MYO10: variants seen among roughly 807,000 people sequenced by gnomAD.
MYO10 encodes myosin X.
MYO10 carries 133 observed loss-of-function variants against 257.3 expected under a neutral mutation model. The observed-to-expected ratio is 0.52, with a 90% CI of 0.45 to 0.60. The LOEUF is 0.60. Ranked by LOEUF, MYO10 falls within the 20% of genes least tolerant of loss-of-function variation. The probability of loss-of-function intolerance (pLI) is 0.00; values close to 1 mark genes in which losing one functional copy is unlikely to be tolerated. For missense variants in MYO10, 2,399 were observed against 2,635.7 expected (o/e 0.91, Z 1.97); for synonymous variants, 1,104 against 1,028.6 (o/e 1.07, Z -1.40).
rs143466213 is a variant in MYO10, at chr5:16,899,363, G to A, written c.22-21656C>T. Among the ~76,000 whole-genome samples, 24 of 152,086 alleles carry A rather than the reference G, an allele frequency of 1.6e-4. No individual in the cohort carries two copies. The East Asian group carries it at 2.1e-3, about 14-fold the overall frequency. On this transcript the variant is annotated intron_variant, in intron 1 of 40. Coordinates refer to ENST00000513610, the MANE Select transcript of MYO10 (RefSeq NM_012334.3). ...ATAATAAAAGAATGTGGCTGGGCGC[G>A]ATGACTCACGCCTGTAATCCCGGCA...
chr5:16,721,061 A>G (rs1362449158), intron 19 of MYO10, among the ~76,000 whole-genome samples: 2 of 152,186 alleles, frequency 1.3e-5, no homozygotes, highest in African/African-American at 4.8e-5. Flanking sequence ...TTTAACTTTA[A>G]AAATAAACAA....
At chr5:16,685,706 C>T (rs1737221851) in intron 29 of MYO10, 32 bp downstream of exon 29, 1 of 1,504,326 alleles carries the variant, frequency 6.6e-7, no homozygotes, top group Non-Finnish European at 9.1e-7. Flanking sequence ...CCCCTAGACG[C>T]CCCACCCCCA....
chr5:16,697,526 C>A (rs1159365846), intron 26 of MYO10, among the ~76,000 whole-genome samples: 3 of 151,982 alleles, frequency 2.0e-5, no homozygotes, highest in Non-Finnish European at 4.4e-5. Flanking sequence ...ATGGTGAAAC[C>A]CTGTCTCTAC....
intron 30 of MYO10, among the ~76,000 whole-genome samples, chr5:16,683,048 T>C (rs755267562): frequency 1.3e-5 from 2 of 152,162 alleles, no homozygotes; most frequent in Non-Finnish European, 2.9e-5. Context: ...GAGCCAGTTA[T>C]AAGGGGTGCA....
intron 2 of MYO10, among the ~76,000 whole-genome samples, chr5:16,845,336 C>T (rs1258406121): frequency 1.3e-5 from 2 of 151,950 alleles, no homozygotes; most frequent in Admixed American, 1.3e-4. Context: ...AGAGCTGTCC[C>T]ACGATTATGT....
At chr5:16,850,809 CG>C (rs1321256526) in intron 2 of MYO10, among the ~76,000 whole-genome samples, 1 of 6,192 alleles carries the variant, frequency 1.6e-4, no homozygotes, top group South Asian at 4.2e-3. Flanking sequence ...GGGTTACGGG[CG>C]GGGGGGTGGG....
intron 1 of MYO10, among the ~76,000 whole-genome samples, chr5:16,900,474 G>T (rs1745346282): frequency 6.6e-6 from 1 of 152,144 alleles, no homozygotes; most frequent in East Asian, 1.9e-4. Context: ...GAATGTGACA[G>T]GTCTGAAGAC....
intron 2 of MYO10, among the ~76,000 whole-genome samples, chr5:16,873,210 A>G (rs1456520652): frequency 2.0e-5 from 3 of 152,198 alleles, no homozygotes; most frequent in Non-Finnish European, 4.4e-5. Context: ...CAAATAGGAG[A>G]AATTGGCCAA....
At chr5:16,669,486 G>A (rs1736341950) in intron 39 of MYO10, among the ~76,000 whole-genome samples, 1 of 152,120 alleles carries the variant, frequency 6.6e-6, no homozygotes, top group Admixed American at 6.6e-5. Context: ...TTACAGGCAT[G>A]AGCCACCGCG....
intron 1 of MYO10, among the ~76,000 whole-genome samples, chr5:16,893,196 C>CAAACAAAAAAAAA (rs538239809): frequency 1.3e-4 from 9 of 69,544 alleles, no homozygotes; most frequent in Admixed American, 2.4e-4. Context: ...GACTCTGTCT[C>CAAACAAAAAAAAA]AAAAAAAAAA....
intron 4 of MYO10, among the ~76,000 whole-genome samples, chr5:16,789,254 G>A (rs913105705): frequency 5.3e-5 from 8 of 152,172 alleles, no homozygotes; most frequent in African/African-American, 1.2e-4. Flanking sequence ...AGGTGCTTTC[G>A]CCCACAAAGC....
intron 2 of MYO10, among the ~76,000 whole-genome samples, chr5:16,830,498 G>GAA (rs753377649): frequency 7.1e-6 from 1 of 140,626 alleles, no homozygotes; most frequent in Non-Finnish European, 1.6e-5. Flanking sequence ...AGTCTATCAA[G>GAA]AAAAAAAAAA....
chr5:16,822,493 G>A (rs1742850885), intron 2 of MYO10, among the ~76,000 whole-genome samples: 1 of 152,078 alleles, frequency 6.6e-6, no homozygotes. Context: ...GAAGGTCAGG[G>A]TGGACTAAGG....
intron 1 of MYO10, among the ~76,000 whole-genome samples, chr5:16,895,905 C>A (rs957585821): frequency 1.3e-5 from 2 of 152,092 alleles, no homozygotes; most frequent in Non-Finnish European, 2.9e-5. Context: ...CAAGGGGGGC[C>A]CTGCCGCACA....
At chr5:16,743,400 T>C (rs577008043) in intron 19 of MYO10, among the ~76,000 whole-genome samples, 1 of 152,142 alleles carries the variant, frequency 6.6e-6, no homozygotes, top group Non-Finnish European at 1.5e-5. Context: ...CCCAGCACTT[T>C]GGGAGGCCGA....
chr5:16,934,154 GA>G (rs1020883920), intron 1 of MYO10, among the ~76,000 whole-genome samples: 5 of 152,230 alleles, frequency 3.3e-5, no homozygotes, highest in Non-Finnish European at 7.3e-5. Flanking sequence ...AGAGTACTTT[GA>G]AAAGTCAAAG....
chr5:16,805,093 C>T (rs975716321), intron 3 of MYO10, among the ~76,000 whole-genome samples: 2 of 152,108 alleles, frequency 1.3e-5, no homozygotes, highest in African/African-American at 2.4e-5. Context: ...CAACATGTAA[C>T]GTGAGTAAAA....
chr5:16,696,855 C>CAAAA (rs11284007), intron 26 of MYO10, among the ~76,000 whole-genome samples: 2 of 99,098 alleles, frequency 2.0e-5, no homozygotes, highest in Non-Finnish European at 4.3e-5. Flanking sequence ...GACTCTGTCT[C>CAAAA]AAAAAAAAAA....
At chr5:16,792,937 A>G (rs1402477544) in intron 4 of MYO10, among the ~76,000 whole-genome samples, 1 of 152,154 alleles carries the variant, frequency 6.6e-6, no homozygotes, top group Non-Finnish European at 1.5e-5. Flanking sequence ...TCCTGAAATA[A>G]CATAATAACT....
Sources: gnomAD v4.1 joint callset for allele counts (sites outside exome capture counted in the v4.1 genomes callset) on GRCh38, gnomAD v4.1.1 for gene constraint, MANE v1.5 for transcripts, NCBI Gene and HGNC (gene_info 2026-07-23, HGNC 2026-07-21) for gene names.